The following MFHAS1 variants were observed in gnomAD, a reference collection of about 807,000 sequenced individuals.
The protein encoded by MFHAS1 is malignant fibrous histiocytoma-amplified sequence 1.
MFHAS1 carries 50 observed loss-of-function variants against 70.4 expected under a neutral mutation model. The observed-to-expected ratio is 0.71, with a 90% CI of 0.57 to 0.90. The LOEUF (loss-of-function observed/expected upper bound fraction) is 0.90, where lower values mean the gene tolerates loss of function less well. Among genes scored for constraint, MFHAS1 ranks in the 40% least tolerant of loss-of-function variants. MFHAS1 has a pLI of 0.00. For missense variants in MFHAS1, 1,795 were observed against 1,347.6 expected (o/e 1.33, Z -5.20); for synonymous variants, 952 against 620.0 (o/e 1.54, Z -7.96).
intron 1 of MFHAS1, among the ~76,000 whole-genome samples, chr8:8,842,994 G>A (rs533592520): frequency 2.0e-5 from 3 of 152,262 alleles, no homozygotes; most frequent in African/African-American, 4.8e-5. Flanking sequence ...GGCCGGGCGC[G>A]GTGGCTCACG....
At chr8:8,888,062 G>C (rs1211153715) in intron 1 of MFHAS1, among the ~76,000 whole-genome samples, 2 of 151,966 alleles carry the variant, frequency 1.3e-5, no homozygotes, top group African/African-American at 4.8e-5. Context: ...TATTCCATTT[G>C]GTATCACAAT....
chr8:8,787,274 G>T (rs962361213), intron 2 of MFHAS1, among the ~76,000 whole-genome samples: 1 of 152,054 alleles, frequency 6.6e-6, no homozygotes, highest in Non-Finnish European at 1.5e-5. Context: ...TAGAGATGGG[G>T]TTTCACCATG....
At chr8:8,841,217 G>A (rs112178227) in intron 1 of MFHAS1, among the ~76,000 whole-genome samples, 6 of 152,300 alleles carry the variant, frequency 3.9e-5, no homozygotes, top group East Asian at 1.9e-4. Context: ...GCTCACAACC[G>A]TAATCCTAGC....
At chr8:8,825,270 T>C (rs1335287096) in intron 1 of MFHAS1, among the ~76,000 whole-genome samples, 1 of 152,190 alleles carries the variant, frequency 6.6e-6, no homozygotes, top group Non-Finnish European at 1.5e-5. Context: ...CCTCCCGGGT[T>C]CAAGGAATTC....
intron 1 of MFHAS1, among the ~76,000 whole-genome samples, chr8:8,880,245 C>T (rs1809463443): frequency 6.6e-6 from 1 of 152,188 alleles, no homozygotes. Context: ...CAAAGCCTGG[C>T]AAAAGAATTC....
At chr8:8,832,453 A>ACACC (rs1807437332) in intron 1 of MFHAS1, among the ~76,000 whole-genome samples, 1 of 146,100 alleles carries the variant, frequency 6.8e-6, no homozygotes, top group African/African-American at 2.5e-5. Context: ...ACACACACAC[A>ACACC]CAGAGCCAGT....
At chr8:8,795,576 G>A (rs1199929395) in intron 2 of MFHAS1, among the ~76,000 whole-genome samples, 2 of 152,250 alleles carry the variant, frequency 1.3e-5, no homozygotes, top group Non-Finnish European at 2.9e-5. Flanking sequence ...ATATTTTCCA[G>A]CAAGGATAGA....
At chr8:8,844,998 C>A (rs1442797080) in intron 1 of MFHAS1, among the ~76,000 whole-genome samples, 1 of 152,182 alleles carries the variant, frequency 6.6e-6, no homozygotes, top group Non-Finnish European at 1.5e-5. Flanking sequence ...GAAAAGAATT[C>A]ATTTTTGTTG....
intron 2 of MFHAS1, among the ~76,000 whole-genome samples, chr8:8,793,785 G>T (rs894550115): frequency 6.6e-6 from 1 of 152,230 alleles, no homozygotes; most frequent in African/African-American, 2.4e-5. Flanking sequence ...TGAACCATCA[G>T]AAAGTCGTGT....
At chr8:8,814,029 C>T (rs2117288983) in intron 1 of MFHAS1, among the ~76,000 whole-genome samples, 2 of 151,992 alleles carry the variant, frequency 1.3e-5, no homozygotes, top group South Asian at 4.2e-4. Context: ...CCTTCACCTC[C>T]CAGGTTCAAG....
chr8:8,798,485 C>A (rs940305756), intron 1 of MFHAS1, among the ~76,000 whole-genome samples: 1 of 152,162 alleles, frequency 6.6e-6, no homozygotes, highest in Non-Finnish European at 1.5e-5. Flanking sequence ...AGCACCACAT[C>A]TGGCTAAATG....
In MFHAS1 at chr8:8,802,914, G is replaced by A. The variant is rs914767331; in HGVS notation, c.2999-5423C>T. Reference sequence around the variant, plus strand: ...GGTGGAACATCCTTAAAGGGGCTGAGTTGCTGCTGAACTTGCAAGAGACTT... The same window carrying A: ...GGTGGAACATCCTTAAAGGGGCTGAATTGCTGCTGAACTTGCAAGAGACTT... On this transcript the variant is annotated intron_variant, in intron 1 of 2. Coordinates refer to ENST00000276282, the MANE Select transcript of MFHAS1 (RefSeq NM_004225.3). Among the ~76,000 whole-genome samples, 5 of 152,342 alleles carry A rather than the reference G, an allele frequency of 3.3e-5. 1 individual carries two copies. The highest frequency in any genetic ancestry group is 5.9e-5 in the Non-Finnish European group (4 of 68,038).
rs558371288 is a variant in MFHAS1, at chr8:8,850,251, T to C, written c.2998+39810A>G. On this transcript the variant is annotated intron_variant, in intron 1 of 2. Transcript: ENST00000276282. ...TACACCCCTTGGTAAATGTTAACAGTTAAAGTTCTCTTTCATTCATTAAAA... is the reference window on the plus strand; with the variant it reads ...TACACCCCTTGGTAAATGTTAACAGCTAAAGTTCTCTTTCATTCATTAAAA... 4.6e-5 allele frequency among the ~76,000 whole-genome samples: 7 copies of C among 152,338 alleles called. No homozygotes were observed. In the South Asian group the frequency reaches 1.5e-3, roughly 32 times the overall value.
At chr8:8,880,905 G>C (rs1029683527) in intron 1 of MFHAS1, among the ~76,000 whole-genome samples, 1 of 151,968 alleles carries the variant, frequency 6.6e-6, no homozygotes. Context: ...ACCTGTTCTC[G>C]AACTCCTGAC....
intron 1 of MFHAS1, among the ~76,000 whole-genome samples, chr8:8,869,323 G>C (rs909341337): frequency 6.6e-5 from 10 of 152,158 alleles, no homozygotes; most frequent in Non-Finnish European, 1.2e-4. Context: ...CTGAAAATAA[G>C]CTAGAACAAA....
intron 1 of MFHAS1, among the ~76,000 whole-genome samples, chr8:8,858,766 G>A (rs1433635682): frequency 6.6e-6 from 1 of 152,102 alleles, no homozygotes; most frequent in East Asian, 1.9e-4. Context: ...CACAGGTGGC[G>A]TCGAGGTGGA....
Position 8,875,356 on chromosome 8 carries a change from C to T in MFHAS1, c.2998+14705G>A, listed in dbSNP as rs898685478. On this transcript the variant is annotated intron_variant, in intron 1 of 2. Transcript: ENST00000276282. Reference sequence around the variant, plus strand: ...TTAAATAAACAAAGGTGAAAAATCACCTTGATGTACTATTATGCAAGCATT... The same window carrying T: ...TTAAATAAACAAAGGTGAAAAATCATCTTGATGTACTATTATGCAAGCATT... 2.6e-5 allele frequency among the ~76,000 whole-genome samples: 4 copies of T among 152,072 alleles called. 1 individual carries two copies. Among genetic ancestry groups the T allele is most frequent in the Admixed American group, 6.5e-5 (1 of 15,276 alleles).
At chr8:8,829,262 C>A (rs1420984199) in intron 1 of MFHAS1, among the ~76,000 whole-genome samples, 2 of 152,206 alleles carry the variant, frequency 1.3e-5, no homozygotes, top group African/African-American at 2.4e-5. Context: ...CCGGGCTGCA[C>A]CCCCACCTGG....
chr8:8,800,138 G>A (rs1038269758), intron 1 of MFHAS1, among the ~76,000 whole-genome samples: 7 of 152,050 alleles, frequency 4.6e-5, no homozygotes, highest in South Asian at 2.1e-4. Flanking sequence ...TGAACTAAGC[G>A]GCATACTTTT....
Sources: gnomAD v4.1 joint callset for allele counts (sites outside exome capture counted in the v4.1 genomes callset) on GRCh38, gnomAD v4.1.1 for gene constraint, MANE v1.5 for transcripts, NCBI Gene and HGNC (gene_info 2026-07-23, HGNC 2026-07-21) for gene names.